Variants in UBXN8 observed in about 807,000 individuals in gnomAD.
UBXN8 encodes UBX domain-containing protein 8.
In UBXN8, 27 loss-of-function variants were observed where a neutral mutation model predicts 32.1. The ratio of observed to expected loss-of-function variants is 0.84; its 90% CI spans 0.62 to 1.16. UBXN8 has a LOEUF of 1.16. Among genes scored for constraint, UBXN8 ranks in the 50% most tolerant of loss-of-function variants. The pLI is 0.00. For missense variants in UBXN8, 306 were observed against 311.4 expected (o/e 0.98, Z 0.13); for synonymous variants, 109 against 111.8 (o/e 0.98, Z 0.16).
chr8:30,761,723 A>C (rs540983147), intron 6 of UBXN8, among the ~76,000 whole-genome samples: 1 of 152,244 alleles, frequency 6.6e-6, no homozygotes, highest in East Asian at 1.9e-4. Context: ...AAGGAAAAAA[A>C]AAAGGAAAAA....
At chr8:30,738,997 T>G (rs1476302791) in intron 1 of UBXN8, among the ~76,000 whole-genome samples, 3 of 150,726 alleles carry the variant, frequency 2.0e-5, no homozygotes, top group African/African-American at 7.3e-5. Flanking sequence ...GTATGATTCA[T>G]GTATATAATA....
chr8:30,747,189 T>G (rs1380270564), intron 1 of UBXN8, among the ~76,000 whole-genome samples: 2 of 140,786 alleles, frequency 1.4e-5, no homozygotes, highest in Non-Finnish European at 1.5e-5. Context: ...CTTAAAATTT[T>G]TTTTCTTTAA....
At chr8:30,761,234 G>C (rs1293413380) in intron 6 of UBXN8, among the ~76,000 whole-genome samples, 1 of 151,444 alleles carries the variant, frequency 6.6e-6, no homozygotes, top group East Asian at 1.9e-4. Flanking sequence ...CAAGCCTGCT[G>C]TCTGCTGAGT....
intron 1 of UBXN8, among the ~76,000 whole-genome samples, chr8:30,738,829 G>A (rs1005243802): frequency 3.3e-5 from 5 of 151,130 alleles, no homozygotes; most frequent in East Asian, 2.0e-4. Context: ...GGTGGCGGGC[G>A]CCTGTAATCC....
At chr8:30,759,407 G>C (rs1160969200) in intron 5 of UBXN8, among the ~76,000 whole-genome samples, 1 of 151,000 alleles carries the variant, frequency 6.6e-6, no homozygotes, top group Non-Finnish European at 1.5e-5. Context: ...GCTCATTTTT[G>C]TATTTTTAGT....
chr8:30,730,041 G>GA (rs1804915787), upstream of UBXN8, among the ~76,000 whole-genome samples: 2 of 152,184 alleles, frequency 1.3e-5, no homozygotes, highest in South Asian at 4.1e-4. Context: ...AGTCATCCCA[G>GA]TGGTGCCCTC....
upstream of UBXN8, among the ~76,000 whole-genome samples, chr8:30,743,811 G>T (rs1428644665): frequency 6.6e-6 from 1 of 152,218 alleles, no homozygotes; most frequent in East Asian, 1.9e-4. Flanking sequence ...AGGCCGGGGG[G>T]CCCAGGCTGC....
upstream of UBXN8, chr8:30,744,073 T>C (rs79723138): frequency 2.1e-3 from 1,774 of 861,090 alleles, 27 homozygotes; most frequent in African/African-American, 0.026. Flanking sequence ...CCGTCAGTAT[T>C]TACCACGTTA....
At chr8:30,752,246 GT>G (rs1805539137) in intron 2 of UBXN8, among the ~76,000 whole-genome samples, 1 of 152,148 alleles carries the variant, frequency 6.6e-6, no homozygotes, top group African/African-American at 2.4e-5. Context: ...CATTCTAGCA[GT>G]TTTTACTTAG....
intron 5 of UBXN8, among the ~76,000 whole-genome samples, chr8:30,758,884 T>G (rs1477276273): frequency 5.8e-5 from 8 of 137,092 alleles, no homozygotes; most frequent in African/African-American, 2.0e-4. Flanking sequence ...TTTTTTTGTT[T>G]GTTTTTTTTG....
chr8:30,746,057 A>G (rs1586092746), intron 1 of UBXN8, among the ~76,000 whole-genome samples: 1 of 152,164 alleles, frequency 6.6e-6, no homozygotes, highest in East Asian at 1.9e-4. Context: ...AGCCAGAAAT[A>G]TGCTTCTTGA....
chr8:30,763,345 C>A lies in UBXN8; in HGVS notation c.643C>A (p.Gln215Lys). The A allele has an allele frequency of 6.2e-7, 1 of 1,613,596 alleles. No individual in the cohort carries two copies. The highest frequency in any genetic ancestry group is 8.5e-7 in the Non-Finnish European group (1 of 1,179,514). Residue 215 changes from glutamine (Q) to lysine (K), a missense_variant and splice_region_variant, in exon 7 of 8, where the codon CAG becomes AAG. Transcript: ENST00000265616. ...RRRFLKSYSS[Q>K]VLFDWMTRIG... ...AAGGTTTTTGAAGTCCTACAGCTCA[C>A]AGGTAAGTGAAGGAATTCACATTTT...
intron 7 of UBXN8, 22 bp downstream of exon 7, chr8:30,763,369 T>C (rs773521349): frequency 1.2e-6 from 2 of 1,608,302 alleles, no homozygotes; most frequent in East Asian, 4.5e-5. Flanking sequence ...AATTCACATT[T>C]TGAGAAATAT....
In UBXN8 at chr8:30,759,942, G is replaced by A. The variant is rs534729218; in HGVS notation, c.529-946G>A. Reference sequence around the variant, plus strand: ...ACTGCACTCCAGCCTGGGCGACAGAGTGAGACTCCGTCTCAGAAAAATAAA... The same window carrying A: ...ACTGCACTCCAGCCTGGGCGACAGAATGAGACTCCGTCTCAGAAAAATAAA... On this transcript the variant is annotated intron_variant, in intron 5 of 7. Transcript: ENST00000265616. 5.4e-5 allele frequency among the ~76,000 whole-genome samples: 8 copies of A among 149,176 alleles called. No homozygotes were observed. In the South Asian group the frequency reaches 1.7e-3, roughly 31 times the overall value.
At chr8:30,764,609 T>C (rs1029140546) in intron 7 of UBXN8, among the ~76,000 whole-genome samples, 8 of 152,186 alleles carry the variant, frequency 5.3e-5, no homozygotes, top group Non-Finnish European at 1.2e-4. Flanking sequence ...TAGATAAATA[T>C]ATGAAAAAAA....
At chr8:30,733,220 T>A (rs1805007648) in exon 1 of UBXN8, 1 of 152,220 alleles carries the variant, frequency 6.6e-6, no homozygotes, top group African/African-American at 2.4e-5. Flanking sequence ...CTCTGGACAC[T>A]GTTGTTGAAG....
chr8:30,754,678 T>G lies in UBXN8; in HGVS notation c.296T>G (p.Ile99Arg), dbSNP rs199717897. The G allele has an allele frequency of 2.9e-5, 45 of 1,553,102 alleles. No individual in the cohort carries two copies. The highest frequency in any genetic ancestry group is 1.2e-4 in the Admixed American group (5 of 42,580). The stretch of plus-strand genomic sequence containing the variant: ...TGTTTTCAACAGGCCAGCAGATACA[T>G]AGAGAATGTTTTAAAACCTCACCAG... ...EAQGEKASRY[I>R]ENVLKPHQEM... Residue 99 changes from isoleucine to arginine, a missense_variant, in exon 4 of 8, where the codon ATA (isoleucine) becomes AGA (arginine). By Grantham distance (97) the Ile-to-Arg change is moderately conservative. Coordinates refer to ENST00000265616, the MANE Select transcript of UBXN8 (RefSeq NM_005671.4).
chr8:30,729,967 G>A (rs1352822947), upstream of UBXN8, among the ~76,000 whole-genome samples: 8 of 152,096 alleles, frequency 5.3e-5, no homozygotes, highest in African/African-American at 1.9e-4. Context: ...ACCCACCGAG[G>A]GAAATCAACT....
upstream of UBXN8, among the ~76,000 whole-genome samples, chr8:30,740,666 AGTG>A (rs1159610524): frequency 4.0e-5 from 6 of 151,632 alleles, no homozygotes; most frequent in Non-Finnish European, 7.4e-5. Flanking sequence ...TCCAGGCTGC[AGTG>A]AGCTATGCTT....
Sources: gnomAD v4.1 joint callset for allele counts (sites outside exome capture counted in the v4.1 genomes callset) on GRCh38, gnomAD v4.1.1 for gene constraint, MANE v1.5 for transcripts, NCBI Gene and HGNC (gene_info 2026-07-23, HGNC 2026-07-21) for gene names.